PTPRT: variants seen among roughly 807,000 people sequenced by gnomAD.
The protein encoded by PTPRT is receptor-type tyrosine-protein phosphatase T.
A neutral mutation model predicts 176.8 loss-of-function variants in PTPRT; 56 were observed. That is an observed-to-expected ratio of 0.32 (90% CI 0.26 to 0.40). The LOEUF (loss-of-function observed/expected upper bound fraction) is 0.40. Ranked by LOEUF, PTPRT falls within the 10% of genes least tolerant of loss-of-function variation. The pLI is 1.00. For synonymous variants in PTPRT, 783 were observed against 739.0 expected, an observed-to-expected ratio of 1.06 and a Z score of -0.96; for missense variants, 1,540 against 1,908.2, an observed-to-expected ratio of 0.81 and a Z score of 3.60.
chr20:42,714,138 T>C (rs1414709253), intron 6 of PTPRT, among the ~76,000 whole-genome samples: 1 of 152,174 alleles, frequency 6.6e-6, no homozygotes, highest in Admixed American at 6.5e-5. Flanking sequence ...AGAGCCTCAG[T>C]TTCCCCACTG....
chr20:42,656,368 A>G (rs1401764829), intron 7 of PTPRT, among the ~76,000 whole-genome samples: 2 of 152,180 alleles, frequency 1.3e-5, no homozygotes, highest in African/African-American at 4.8e-5. Flanking sequence ...AAGGGAGAGA[A>G]TGGATTCCGC....
Position 43,125,532 on chromosome 20 carries a change from T to C in PTPRT, c.88+64114A>G, listed in dbSNP as rs546649572. On this transcript the variant is annotated intron_variant, in intron 1 of 30. Transcript: ENST00000373187. ...TAGCTAGACTGGACGTTAGCATCTA[T>C]AAGCATCCAACTTGCTTAAATCTAG... is the stretch of plus-strand genomic sequence containing the variant. 2.0e-5 allele frequency among the ~76,000 whole-genome samples: 3 copies of C among 152,364 alleles called. No individual in the cohort carries two copies. The South Asian group carries it at 6.2e-4, about 32-fold the overall frequency.
At chr20:43,164,076 A>T (rs1432473596) in intron 1 of PTPRT, among the ~76,000 whole-genome samples, 2 of 152,312 alleles carry the variant, frequency 1.3e-5, no homozygotes, top group East Asian at 3.9e-4. Flanking sequence ...ATTATTTGGG[A>T]TTATTTAAAA....
chr20:42,169,336 A>T (rs995301983), intron 16 of PTPRT, among the ~76,000 whole-genome samples: 11 of 152,130 alleles, frequency 7.2e-5, no homozygotes, highest in Admixed American at 2.6e-4. Flanking sequence ...AAAGAGATCA[A>T]TCCTCCTGCT....
chr20:42,578,984 T>A (rs1479855391), intron 7 of PTPRT, among the ~76,000 whole-genome samples: 2 of 151,328 alleles, frequency 1.3e-5, no homozygotes, highest in Non-Finnish European at 2.9e-5. Flanking sequence ...TGTATACATG[T>A]GCCATGTTGG....
chr20:43,137,507 T>C (rs905714357), intron 1 of PTPRT, among the ~76,000 whole-genome samples: 1 of 152,176 alleles, frequency 6.6e-6, no homozygotes, highest in Non-Finnish European at 1.5e-5. Context: ...CTACTCCTTC[T>C]AGAAGGGTCA....
intron 9 of PTPRT, among the ~76,000 whole-genome samples, chr20:42,392,719 T>C (rs145516928): frequency 2.6e-5 from 4 of 152,290 alleles, no homozygotes; most frequent in Non-Finnish European, 2.9e-5. Context: ...ATCATCCATA[T>C]GCAAGAAACT....
intron 6 of PTPRT, among the ~76,000 whole-genome samples, chr20:42,725,009 T>TTGTGTGTGTGTGTGTGTGTGTGTG (rs147376328): frequency 4.5e-5 from 6 of 134,042 alleles, no homozygotes; most frequent in African/African-American, 1.6e-4. Flanking sequence ...TGGACATCTT[T>TTGTGTGTGTGTGTGTGTGTGTGTG]TGTGTGTGTG....
intron 6 of PTPRT, among the ~76,000 whole-genome samples, chr20:42,689,487 G>A (rs1360327652): frequency 6.6e-6 from 1 of 152,050 alleles, no homozygotes; most frequent in African/African-American, 2.4e-5. Flanking sequence ...CAATTCTTCT[G>A]GTACAGTGGG....
intron 1 of PTPRT, among the ~76,000 whole-genome samples, chr20:43,114,968 C>G (rs2013000332): frequency 6.6e-6 from 1 of 152,094 alleles, no homozygotes; most frequent in Admixed American, 6.6e-5. Context: ...TTAATAATAA[C>G]AGTAATAATA....
At chr20:42,901,180 C>T (rs1416544386) in intron 1 of PTPRT, among the ~76,000 whole-genome samples, 2 of 152,086 alleles carry the variant, frequency 1.3e-5, no homozygotes. Context: ...CTTGCGTTGG[C>T]CCCCTGGACA....
intron 16 of PTPRT, among the ~76,000 whole-genome samples, chr20:42,190,786 T>TCCA (rs1402538683): frequency 6.6e-6 from 1 of 152,190 alleles, no homozygotes; most frequent in East Asian, 1.9e-4. Context: ...TTAAGTTTCC[T>TCCA]TGTCTATGAA....
chr20:42,960,908 TGGGGCC>T (rs1981949235), intron 1 of PTPRT, among the ~76,000 whole-genome samples: 1 of 152,164 alleles, frequency 6.6e-6, no homozygotes, highest in East Asian at 1.9e-4. Context: ...ATAACCAATA[TGGGGCC>T]TAGGAAGATA....
At chr20:42,314,458 G>A (rs1400469321) in intron 12 of PTPRT, among the ~76,000 whole-genome samples, 1 of 151,258 alleles carries the variant, frequency 6.6e-6, no homozygotes, top group Non-Finnish European at 1.5e-5. Context: ...GAACCTGGGA[G>A]GTGGAGCTTG....
Position 42,996,270 on chromosome 20 carries a change from C to G in PTPRT, c.89-110338G>C, listed in dbSNP as rs141096583. The stretch of plus-strand genomic sequence containing the variant: ...TGCATGCACAATTTTAAGATCCTTA[C>G]AGCAATCAGCTGAAGTACCCACATG... On this transcript the variant is annotated intron_variant, in intron 1 of 30. Coordinates refer to ENST00000373187, the MANE Select transcript of PTPRT (RefSeq NM_007050.6). Among the ~76,000 whole-genome samples the G allele has an allele frequency of 5.8e-4, 88 of 152,312 alleles. 1 individual carries two copies. The highest frequency in any genetic ancestry group is 1.8e-3 in the African/African-American group (75 of 41,568).
chr20:42,229,944 C>CA (rs2056100235), intron 15 of PTPRT, among the ~76,000 whole-genome samples: 1 of 152,114 alleles, frequency 6.6e-6, no homozygotes, highest in African/African-American at 2.4e-5. Flanking sequence ...TTCCTTCACT[C>CA]ATTACACAGG....
intron 1 of PTPRT, among the ~76,000 whole-genome samples, chr20:42,956,423 CCG>C (rs1477184684): frequency 3.9e-5 from 5 of 128,114 alleles, no homozygotes; most frequent in Admixed American, 2.2e-4. Context: ...CCTACTCTAG[CCG>C]TGTGAGACAC....
the PTPRT span, among the ~76,000 whole-genome samples, chr20:42,065,590 C>G: frequency 5.9e-5 from 9 of 152,214 alleles, no homozygotes; most frequent in Non-Finnish European, 1.2e-4. Flanking sequence ...GCTGCACCAT[C>G]TACAATGCAG....
At chr20:42,505,457 A>G (rs1260690533) in intron 7 of PTPRT, among the ~76,000 whole-genome samples, 1 of 151,994 alleles carries the variant, frequency 6.6e-6, no homozygotes, top group Non-Finnish European at 1.5e-5. Flanking sequence ...GCCCACCACC[A>G]TGCCTGGGTA....
Sources: allele counts gnomAD v4.1 joint callset (sites outside exome capture counted in the v4.1 genomes callset), GRCh38; gene constraint gnomAD v4.1.1; transcripts MANE v1.5; gene names NCBI Gene and HGNC (gene_info 2026-07-23, HGNC 2026-07-21).